Variants in GTPBP4 observed in about 807,000 individuals in gnomAD.
The protein encoded by GTPBP4 is GTP binding protein 4, also known as GTP-binding protein 4.
In GTPBP4, 15 loss-of-function variants were observed where a neutral mutation model predicts 81.7. The observed-to-expected ratio is 0.18, with a 90% CI of 0.12 to 0.28. The LOEUF (loss-of-function observed/expected upper bound fraction) is 0.28, where lower values mean the gene tolerates loss of function less well. Ranked by LOEUF, GTPBP4 falls within the 10% of genes least tolerant of loss-of-function variation. GTPBP4 has a pLI of 1.00. For missense variants in GTPBP4, 847 were observed against 793.8 expected, an observed-to-expected ratio of 1.07 and a Z score of -0.81; for synonymous variants, 272 against 274.6, an observed-to-expected ratio of 0.99 and a Z score of 0.09.
intron 8 of GTPBP4, among the ~76,000 whole-genome samples, chr10:1,002,947 C>G (rs1008152343): frequency 1.3e-5 from 2 of 152,210 alleles, no homozygotes; most frequent in African/African-American, 4.8e-5. Context: ...TTTTAGATGT[C>G]TATACCTCTC....
rs769713419 is a variant in GTPBP4, at chr10:1,015,829, C to G, written c.1685C>G (p.Ser562Cys). ...KRKREDSAPP[S>C]SVARSGSCSR... is the part of the protein sequence containing the mutation. ...AAGCGGGAAGACTCTGCTCCCCCGTCCTCTGTGGCCCGGAGTGGGAGTTGC... is the reference window on the plus strand; with the variant it reads ...AAGCGGGAAGACTCTGCTCCCCCGTGCTCTGTGGCCCGGAGTGGGAGTTGC... Residue 562 changes from serine to cysteine, a missense_variant, in exon 16 of 17, where the codon TCC (serine) becomes TGC (cysteine). Ser to Cys is a moderately radical substitution (Grantham distance 112). This residue lies in a region of GTPBP4 where 600 missense variants were observed against 557.1 expected (regional missense o/e 1.08). Coordinates refer to ENST00000360803, the MANE Select transcript of GTPBP4 (RefSeq NM_012341.3). 6.2e-7 allele frequency: 1 copy of G among 1,614,056 alleles called. No homozygotes were observed. Among genetic ancestry groups the G allele is most frequent in the East Asian group, 2.2e-5 (1 of 44,888 alleles).
intron 10 of GTPBP4, chr10:1,008,064 TC>T (rs1564469633): frequency 6.5e-6 from 3 of 458,826 alleles, no homozygotes; most frequent in Non-Finnish European, 1.3e-5. Context: ...TTCTGGGTGT[TC>T]AGGTTTGCAT....
Position 1,006,046 on chromosome 10 carries a change from G to A in GTPBP4, c.1002+139G>A, listed in dbSNP as rs188849417. 4.9e-4 allele frequency: 284 copies of A among 576,522 alleles called. 1 individual carries two copies. In the East Asian group the frequency reaches 8.1e-3, roughly 16 times the overall value. The allele number at this position is 576,522 out of a possible 1,614,324, so 35.7% of individuals were successfully genotyped here. On this transcript the variant is annotated intron_variant, in intron 9 of 16. Transcript: ENST00000360803. ...CGCAGTAGCGAGGCGGGTGGCGTGCGAGAGTGGGGCGTGAAGACAGACCCT... is the reference window on the plus strand; with the variant it reads ...CGCAGTAGCGAGGCGGGTGGCGTGCAAGAGTGGGGCGTGAAGACAGACCCT...
At chr10:1,010,573 T>G (rs967865674) in intron 13 of GTPBP4, 53 bp downstream of exon 13, 3 of 974,262 alleles carry the variant, frequency 3.1e-6, no homozygotes, top group Non-Finnish European at 5.0e-6. Context: ...TATAGTAGTA[T>G]TGCTGGAAGA....
At chr10:1,007,212 C>A in intron 10 of GTPBP4, 84 bp downstream of exon 10, 1 of 738,360 alleles carries the variant, frequency 1.4e-6, no homozygotes, top group Non-Finnish European at 2.4e-6. Flanking sequence ...GCCTCCCATC[C>A]AGCTTCACAC....
chr10:1,016,558 A>T (rs920234634), intron 16 of GTPBP4, among the ~76,000 whole-genome samples: 1 of 152,224 alleles, frequency 6.6e-6, no homozygotes, highest in Admixed American at 6.5e-5. Context: ...CCTGGCTGTT[A>T]ATATTGGCAT....
intron 5 of GTPBP4, 53 bp from the exon 6 acceptor site, chr10:998,950 C>T: frequency 1.1e-6 from 1 of 949,754 alleles, no homozygotes; most frequent in Admixed American, 1.7e-5. Flanking sequence ...CACACAGATC[C>T]CACGTGTACA....
chr10:1,015,047 G>A (rs963417216), intron 15 of GTPBP4, among the ~76,000 whole-genome samples: 1 of 152,218 alleles, frequency 6.6e-6, no homozygotes, highest in Admixed American at 6.5e-5. Flanking sequence ...GGGCAGTGAG[G>A]GAGAGAGCAT....
intron 2 of GTPBP4, among the ~76,000 whole-genome samples, chr10:993,091 C>T (rs909108333): frequency 6.6e-6 from 1 of 152,050 alleles, no homozygotes; most frequent in African/African-American, 2.4e-5. Flanking sequence ...TAAGATCCAC[C>T]ACTGTTTGTG....
At chr10:992,697 C>A in intron 2 of GTPBP4, 38 bp downstream of exon 2, 1 of 1,316,316 alleles carries the variant, frequency 7.6e-7, no homozygotes, top group South Asian at 1.3e-5. Flanking sequence ...TATGTAAATA[C>A]GGGCTTTCAG....
Position 1,015,744 on chromosome 10 carries a change from G to T in GTPBP4, c.1609-9G>T, listed in dbSNP as rs199843024. The T allele has an allele frequency of 1.8e-5, 29 of 1,610,776 alleles. No individual in the cohort carries two copies. The highest frequency in any genetic ancestry group is 2.3e-5 in the Non-Finnish European group (27 of 1,177,954). Reference sequence around the variant, plus strand: ...CTGAGCGCTGAGCATTGCTTCCCCTGCTTTGCAGGCCCATTACGCAGTCCA... The same window carrying T: ...CTGAGCGCTGAGCATTGCTTCCCCTTCTTTGCAGGCCCATTACGCAGTCCA... On this transcript the variant is annotated splice_polypyrimidine_tract_variant and intron_variant, in intron 15 of 16. Coordinates refer to ENST00000360803, the MANE Select transcript of GTPBP4 (RefSeq NM_012341.3).
At chr10:1,004,999 A>C (rs1306273885) in intron 8 of GTPBP4, among the ~76,000 whole-genome samples, 1 of 152,120 alleles carries the variant, frequency 6.6e-6, no homozygotes, top group Non-Finnish European at 1.5e-5. Flanking sequence ...TCCGGTGGTG[A>C]GGGCTGTGGG....
chr10:1,010,382 A>G (rs17293615), intron 12 of GTPBP4, 38 bp from the exon 13 acceptor site: 37,248 of 1,052,392 alleles, frequency 0.035, 829 homozygotes, highest in Non-Finnish European at 0.043. Flanking sequence ...AGATATTAAA[A>G]ACTGCTGTAA....
At chr10:1,011,088 GCCTCCTGC>G in intron 13 of GTPBP4, among the ~76,000 whole-genome samples, 1 of 82,910 alleles carries the variant, frequency 1.2e-5, no homozygotes, top group African/African-American at 4.8e-5. Context: ...TCCTGACTGT[GCCTCCTGC>G]ACCTCTTCCC....
At chr10:1,004,416 G>A (rs1831689252) in intron 8 of GTPBP4, among the ~76,000 whole-genome samples, 1 of 152,040 alleles carries the variant, frequency 6.6e-6, no homozygotes, top group Non-Finnish European at 1.5e-5. Flanking sequence ...CAGGTGCCTC[G>A]GCTCAGCCCC....
chr10:992,773 G>T, intron 2 of GTPBP4, 114 bp downstream of exon 2: 2 of 624,250 alleles, frequency 3.2e-6, no homozygotes, highest in East Asian at 2.9e-5. Context: ...AATTGACTTA[G>T]GTTACTCAGT....
intron 16 of GTPBP4, among the ~76,000 whole-genome samples, chr10:1,016,358 T>C (rs1324137232): frequency 2.6e-5 from 4 of 152,262 alleles, no homozygotes; most frequent in Non-Finnish European, 4.4e-5. Flanking sequence ...ATTTAGTTTA[T>C]TTGTAGCGTC....
At chr10:1,007,153 T>C in intron 10 of GTPBP4, 25 bp downstream of exon 10, 1 of 1,298,262 alleles carries the variant, frequency 7.7e-7, no homozygotes, top group Non-Finnish European at 1.1e-6. Context: ...GGGACAGCCG[T>C]GGGCTCACAG....
intron 8 of GTPBP4, among the ~76,000 whole-genome samples, chr10:1,001,417 C>T (rs1831628646): frequency 6.6e-6 from 1 of 152,212 alleles, no homozygotes; most frequent in Non-Finnish European, 1.5e-5. Context: ...CTTTCTGGAT[C>T]TGGATCTATG....
Sources: gnomAD v4.1 joint callset for allele counts (sites outside exome capture counted in the v4.1 genomes callset) on GRCh38, gnomAD v4.1.1 for gene constraint, gnomAD v4.1.1 regional missense constraint, MANE v1.5 for transcripts, NCBI Gene and HGNC (gene_info 2026-07-23, HGNC 2026-07-21) for gene names.